MYO3A: variants seen among roughly 807,000 people sequenced by gnomAD.
MYO3A encodes the protein myosin-IIIa.
A neutral mutation model predicts 192.7 loss-of-function variants in MYO3A; 180 were observed. The observed-to-expected ratio is 0.93, with a 90% CI of 0.83 to 1.06. The LOEUF (loss-of-function observed/expected upper bound fraction) is 1.06, where lower values mean the gene tolerates loss of function less well. Among genes scored for constraint, MYO3A ranks in the 50% least tolerant of loss-of-function variants. MYO3A has a pLI of 0.00. For missense variants in MYO3A, 1,896 were observed against 1,905.0 expected (o/e 1.00, Z 0.09); for synonymous variants, 628 against 645.3 (o/e 0.97, Z 0.41).
intron 31 of MYO3A, among the ~76,000 whole-genome samples, chr10:26,183,758 C>G (rs1842730941): frequency 6.6e-6 from 1 of 152,014 alleles, no homozygotes; most frequent in Non-Finnish European, 1.5e-5. Context: ...GCAGTTGCCT[C>G]TTGAGAAGGT....
At chr10:26,036,433 C>T (rs1191602979) in intron 10 of MYO3A, among the ~76,000 whole-genome samples, 2 of 152,076 alleles carry the variant, frequency 1.3e-5, no homozygotes, top group African/African-American at 4.8e-5. Flanking sequence ...TCTCTCATGC[C>T]TATGACGAGT....
chr10:26,006,142 A>G (rs566982229), intron 6 of MYO3A, among the ~76,000 whole-genome samples: 5 of 152,206 alleles, frequency 3.3e-5, no homozygotes, highest in Admixed American at 6.5e-5. Flanking sequence ...CTGGGTACAT[A>G]ACGAAATGAA....
At chr10:26,022,529 G>A (rs965073378) in intron 8 of MYO3A, 49 of 152,092 alleles carry the variant, frequency 3.2e-4, no homozygotes, top group African/African-American at 1.2e-3. Flanking sequence ...CTATCTAGAT[G>A]TTCCAAATTA....
chr10:25,966,789 G>A (rs1429430260), intron 4 of MYO3A, among the ~76,000 whole-genome samples: 5 of 152,142 alleles, frequency 3.3e-5, no homozygotes, highest in South Asian at 2.1e-4. Context: ...TATAGTATAC[G>A]TAAAAACATT....
intron 31 of MYO3A, among the ~76,000 whole-genome samples, chr10:26,180,873 A>G (rs1326811370): frequency 6.6e-6 from 1 of 152,150 alleles, no homozygotes; most frequent in Non-Finnish European, 1.5e-5. Flanking sequence ...GTTTAAAAAA[A>G]TTGCATTCAA....
chr10:25,971,994 C>T (rs530035977), intron 4 of MYO3A, among the ~76,000 whole-genome samples: 38 of 152,238 alleles, frequency 2.5e-4, no homozygotes, highest in African/African-American at 7.9e-4. Context: ...ATGCATTTAT[C>T]TTATTTGAGT....
chr10:26,148,970 C>A (rs1290580273), intron 23 of MYO3A, among the ~76,000 whole-genome samples: 1 of 151,800 alleles, frequency 6.6e-6, no homozygotes, highest in Non-Finnish European at 1.5e-5. Flanking sequence ...CTTTTGAATT[C>A]TTTTTTCTTG....
chr10:25,965,206 T>C (rs1355773651), intron 4 of MYO3A, among the ~76,000 whole-genome samples: 1 of 152,238 alleles, frequency 6.6e-6, no homozygotes, highest in African/African-American at 2.4e-5. Context: ...CCTGTCTCTC[T>C]CTACCTCCTC....
At chr10:26,081,476 C>G (rs1211034231) in intron 14 of MYO3A, among the ~76,000 whole-genome samples, 1 of 152,106 alleles carries the variant, frequency 6.6e-6, no homozygotes, top group Admixed American at 6.5e-5. Flanking sequence ...GAAAACCTGC[C>G]GCAGGCTATC....
chr10:26,188,570 G>A (rs1409983217), intron 31 of MYO3A, among the ~76,000 whole-genome samples: 2 of 152,180 alleles, frequency 1.3e-5, no homozygotes, highest in Non-Finnish European at 2.9e-5. Flanking sequence ...CCTTGCCCAT[G>A]TAAGGAATGG....
At chr10:26,015,772 CTAAGTA>C (rs1362807217) in intron 6 of MYO3A, among the ~76,000 whole-genome samples, 5 of 152,194 alleles carry the variant, frequency 3.3e-5, no homozygotes, top group East Asian at 1.9e-4. Flanking sequence ...ACTCTTCTGT[CTAAGTA>C]TATTTCCAAT....
intron 1 of MYO3A, among the ~76,000 whole-genome samples, chr10:25,934,755 AG>A (rs1404581991): frequency 2.2e-5 from 3 of 137,466 alleles, no homozygotes; most frequent in Non-Finnish European, 4.7e-5. Flanking sequence ...AGGGAACGCG[AG>A]GGGATAGTGA....
intron 33 of MYO3A, among the ~76,000 whole-genome samples, chr10:26,201,917 G>A (rs989862395): frequency 6.6e-6 from 1 of 152,078 alleles, no homozygotes; most frequent in Non-Finnish European, 1.5e-5. Context: ...TTTTGCTTGG[G>A]CAATTTGAAC....
chr10:26,193,336 G>T, intron 32 of MYO3A, 25 bp downstream of exon 32: 2 of 1,547,860 alleles, frequency 1.3e-6, no homozygotes, highest in South Asian at 1.1e-5. Flanking sequence ...CTTACTATCA[G>T]ATGGGAGCCA....
At chr10:26,000,042 A>C (rs1349586781) in intron 6 of MYO3A, among the ~76,000 whole-genome samples, 2 of 151,890 alleles carry the variant, frequency 1.3e-5, no homozygotes, top group African/African-American at 4.8e-5. Flanking sequence ...TCCTTTCTCC[A>C]CACTGCAGCC....
chr10:26,112,045 T>C (rs1214381680), intron 17 of MYO3A, among the ~76,000 whole-genome samples: 1 of 152,222 alleles, frequency 6.6e-6, no homozygotes, highest in Non-Finnish European at 1.5e-5. Flanking sequence ...TTCGCTTATA[T>C]TTGGCTCAAC....
intron 7 of MYO3A, 80 bp downstream of exon 7, chr10:26,016,976 A>C (rs1842020437): frequency 2.2e-6 from 3 of 1,378,064 alleles, no homozygotes; most frequent in Non-Finnish European, 3.1e-6. Flanking sequence ...CTATCTCTGT[A>C]AGCATTTTGG....
At chr10:26,168,670 T>C (rs1841885794) in intron 27 of MYO3A, 42 bp from the exon 28 acceptor site, 3 of 1,577,768 alleles carry the variant, frequency 1.9e-6, no homozygotes, top group Admixed American at 1.7e-5. Flanking sequence ...CTGCTTCACA[T>C]CTGTGTGCCA....
chr10:26,052,973 A>G (rs986855806), intron 10 of MYO3A, among the ~76,000 whole-genome samples: 37 of 152,334 alleles, frequency 2.4e-4, no homozygotes, highest in African/African-American at 8.9e-4. Flanking sequence ...TAAATGAAAA[A>G]TATAATATGG....
Sources: gnomAD v4.1 joint callset for allele counts (sites outside exome capture counted in the v4.1 genomes callset) on GRCh38, gnomAD v4.1.1 for gene constraint, MANE v1.5 for transcripts, NCBI Gene and HGNC (gene_info 2026-07-23, HGNC 2026-07-21) for gene names.